ADAMTSL1: variants seen among roughly 807,000 people sequenced by gnomAD.
ADAMTSL1 encodes ADAMTS-like protein 1.
Under a neutral mutation model 201.8 loss-of-function variants are expected in ADAMTSL1, and 126 were observed. The observed-to-expected ratio is 0.62, with a 90% CI of 0.54 to 0.72. ADAMTSL1 has a LOEUF of 0.72. Among genes scored for constraint, ADAMTSL1 ranks in the 30% least tolerant of loss-of-function variants. The pLI is 0.00. For synonymous variants in ADAMTSL1, 1,121 were observed against 903.4 expected (o/e 1.24, Z -4.32); for missense variants, 2,679 against 2,277.8 (o/e 1.18, Z -3.59).
At chr9:18,129,649 A>C (rs1405877371) in intron 1 of ADAMTSL1, among the ~76,000 whole-genome samples, 1 of 152,230 alleles carries the variant, frequency 6.6e-6, no homozygotes, top group East Asian at 1.9e-4. Context: ...AATCTTATTT[A>C]AAATGAAGTA....
At chr9:18,158,341 A>C (rs1050713854) in intron 1 of ADAMTSL1, among the ~76,000 whole-genome samples, 2 of 151,826 alleles carry the variant, frequency 1.3e-5, no homozygotes, top group Non-Finnish European at 2.9e-5. Context: ...TATGCTCATG[A>C]TTTTTTTCTA....
intron 17 of ADAMTSL1, among the ~76,000 whole-genome samples, chr9:18,773,442 C>G (rs72690541): frequency 0.081 from 12,281 of 152,190 alleles, 697 homozygotes; most frequent in East Asian, 0.13. Flanking sequence ...CTAGAAGGAG[C>G]TTGAAAGATC....
intron 23 of ADAMTSL1, among the ~76,000 whole-genome samples, chr9:18,871,428 G>GA (rs1314455166): frequency 6.6e-6 from 1 of 151,930 alleles, no homozygotes; most frequent in African/African-American, 2.4e-5. Flanking sequence ...TTCAATCACT[G>GA]AATTCTAGAG....
At chr9:18,379,613 C>T (rs989534617) in intron 2 of ADAMTSL1, among the ~76,000 whole-genome samples, 1 of 152,088 alleles carries the variant, frequency 6.6e-6, no homozygotes, top group African/African-American at 2.4e-5. Context: ...GCATGGATAG[C>T]CTGGGAGAGG....
intron 1 of ADAMTSL1, among the ~76,000 whole-genome samples, chr9:18,088,633 G>C (rs538642698): frequency 1.3e-5 from 2 of 152,292 alleles, no homozygotes; most frequent in Non-Finnish European, 1.5e-5. Flanking sequence ...AAGCTGCTCA[G>C]TGTCGGTAAT....
At chr9:18,892,806 G>A (rs1205991611) in intron 26 of ADAMTSL1, among the ~76,000 whole-genome samples, 4 of 152,106 alleles carry the variant, frequency 2.6e-5, no homozygotes, top group Non-Finnish European at 5.9e-5. Flanking sequence ...CAATGTGATT[G>A]AATGAATGTT....
At chr9:18,742,909 G>A (rs1818925951) in intron 15 of ADAMTSL1, among the ~76,000 whole-genome samples, 1 of 151,896 alleles carries the variant, frequency 6.6e-6, no homozygotes, top group South Asian at 2.1e-4. Context: ...TTTCTTCTAT[G>A]ATCTTGACCA....
chr9:17,925,435 G>A (rs1469528750), intron 1 of ADAMTSL1, among the ~76,000 whole-genome samples: 1 of 100,540 alleles, frequency 9.9e-6, no homozygotes, highest in Non-Finnish European at 2.1e-5. Context: ...ATTCACAATA[G>A]CAAAGACTTG....
chr9:18,531,290 C>G (rs144000732), intron 2 of ADAMTSL1, among the ~76,000 whole-genome samples: 1 of 152,118 alleles, frequency 6.6e-6, no homozygotes, highest in Non-Finnish European at 1.5e-5. Context: ...AACCTGACAC[C>G]GTAATGAGGG....
At chr9:18,510,482 T>C (rs73421031) in intron 2 of ADAMTSL1, among the ~76,000 whole-genome samples, 5,617 of 152,166 alleles carry the variant, frequency 0.037, 350 homozygotes, top group African/African-American at 0.13. Flanking sequence ...AGGAACATAC[T>C]GAGTAGAATC....
intron 1 of ADAMTSL1, among the ~76,000 whole-genome samples, chr9:17,936,136 T>A (rs1430698914): frequency 6.6e-6 from 1 of 152,180 alleles, no homozygotes; most frequent in Non-Finnish European, 1.5e-5. Context: ...CTCCCCTGAT[T>A]TGGGGCCAAC....
rs556747664 is a variant in ADAMTSL1, at chr9:18,828,355, C to T, written c.4115-1488C>T. Among the ~76,000 whole-genome samples the T allele has an allele frequency of 9.9e-5, 15 of 152,076 alleles. No homozygotes were observed. The East Asian group carries it at 2.5e-3, about 26-fold the overall frequency. On this transcript the variant is annotated intron_variant, in intron 22 of 28. Coordinates refer to ENST00000380548, the MANE Select transcript of ADAMTSL1 (RefSeq NM_001040272.6). ...CTGATTGTTTTGAAGATGGAAAGTA[C>T]CCTCCCCTTTTTGCTCTTAGTAAAT...
intron 2 of ADAMTSL1, among the ~76,000 whole-genome samples, chr9:18,398,224 T>A (rs1485503576): frequency 1.3e-5 from 2 of 152,224 alleles, no homozygotes; most frequent in Non-Finnish European, 2.9e-5. Flanking sequence ...ATGCTTCATG[T>A]AACATATGTG....
intron 1 of ADAMTSL1, among the ~76,000 whole-genome samples, chr9:17,974,185 C>G (rs750636192): frequency 1.3e-5 from 2 of 151,954 alleles, no homozygotes; most frequent in African/African-American, 4.8e-5. Flanking sequence ...AAAATGGGCA[C>G]AAGACAAGGA....
In ADAMTSL1 at chr9:18,574,260, A is replaced by C. The variant is rs1822555527; in HGVS notation, c.468A>C (p.Leu156Phe). The change falls in exon 4 of 29, where the codon TTA (leucine) becomes TTC (phenylalanine). Residue 156 changes from leucine (L) to phenylalanine (F), a missense_variant. By Grantham distance (22) the Leu-to-Phe change is conservative (BLOSUM62 0). Transcript: ENST00000380548. ...TESLDMCISGLCQIVGCDHQL... is the reference protein window; with the variant it reads ...TESLDMCISGFCQIVGCDHQL... ...CTTTGGATATGTGCATCAGTGGTTT[A>C]TGCCAAGTAAGTGCTGATTTGTTCT... 1 of 1,613,580 alleles carries C rather than the reference A, an allele frequency of 6.2e-7. No individual in the cohort carries two copies. Among genetic ancestry groups the C allele is most frequent in the Non-Finnish European group, 8.5e-7 (1 of 1,179,452 alleles).
chr9:18,397,178 A>G (rs1233546450), intron 2 of ADAMTSL1, among the ~76,000 whole-genome samples: 2 of 152,036 alleles, frequency 1.3e-5, no homozygotes, highest in Non-Finnish European at 2.9e-5. Flanking sequence ...ACCCTTATCC[A>G]CAGGTGGTAT....
At chr9:18,657,007 G>A (rs1259026787) in intron 7 of ADAMTSL1, among the ~76,000 whole-genome samples, 8 of 151,868 alleles carry the variant, frequency 5.3e-5, no homozygotes, top group Non-Finnish European at 1.2e-4. Context: ...TTTTAAGTAA[G>A]TAATCGTTTT....
chr9:18,096,815 C>G (rs989501520), intron 1 of ADAMTSL1, among the ~76,000 whole-genome samples: 1 of 152,120 alleles, frequency 6.6e-6, no homozygotes, highest in Non-Finnish European at 1.5e-5. Context: ...CACAAATAAC[C>G]ATTGATAAGA....
intron 1 of ADAMTSL1, among the ~76,000 whole-genome samples, chr9:17,916,274 C>A (rs552510040): frequency 3.3e-5 from 5 of 152,278 alleles, no homozygotes; most frequent in African/African-American, 1.2e-4. Context: ...CAGTCTGTGG[C>A]CTGTCTTTTC....
Sources: gnomAD v4.1 joint callset for allele counts (sites outside exome capture counted in the v4.1 genomes callset) on GRCh38, gnomAD v4.1.1 for gene constraint, MANE v1.5 for transcripts, NCBI Gene and HGNC (gene_info 2026-07-23, HGNC 2026-07-21) for gene names.